STRBP: variants seen among roughly 807,000 people sequenced by gnomAD.
STRBP encodes the protein spermatid perinuclear RNA-binding protein.
STRBP carries 13 observed loss-of-function variants against 80.1 expected under a neutral mutation model. The observed-to-expected ratio is 0.16, with a 90% CI of 0.11 to 0.26. STRBP has a LOEUF of 0.26. Among genes scored for constraint, STRBP ranks in the 10% least tolerant of loss-of-function variants. The pLI, the probability that STRBP is intolerant of heterozygous loss-of-function variation, is 1.00. For missense variants in STRBP, 485 were observed against 815.2 expected (o/e 0.59, Z 4.93); for synonymous variants, 284 against 291.2 (o/e 0.98, Z 0.25).
At chr9:123,168,269 A>G in intron 6 of STRBP, 1 of 979,942 alleles carries the variant, frequency 1.0e-6, no homozygotes. Flanking sequence ...CTGTTAAAAA[A>G]ATTAAGCCAT....
intron 8 of STRBP, among the ~76,000 whole-genome samples, chr9:123,160,061 G>C (rs770839531): frequency 1.3e-5 from 2 of 152,172 alleles, no homozygotes; most frequent in Non-Finnish European, 2.9e-5. Context: ...TGAACACTAA[G>C]TGATTAACCA....
At chr9:123,228,947 G>A (rs563760406) in intron 2 of STRBP, among the ~76,000 whole-genome samples, 22 of 152,254 alleles carry the variant, frequency 1.4e-4, no homozygotes, top group Middle Eastern at 3.4e-3. Context: ...AACGTCCATC[G>A]ACTGATGAAT....
chr9:123,234,289 T>C (rs1422945165), intron 2 of STRBP, among the ~76,000 whole-genome samples: 1 of 150,056 alleles, frequency 6.7e-6, no homozygotes, highest in East Asian at 1.9e-4. Context: ...TAAAATTAGA[T>C]AGGCTAATTC....
At chr9:123,203,411 T>C (rs1051125554) in intron 2 of STRBP, among the ~76,000 whole-genome samples, 29 of 152,046 alleles carry the variant, frequency 1.9e-4, no homozygotes, top group Admixed American at 1.5e-3. Flanking sequence ...AACCTTCTAA[T>C]AGTTTCCTGT....
At chr9:123,197,766 C>T (rs1233489534) in intron 2 of STRBP, among the ~76,000 whole-genome samples, 3 of 150,998 alleles carry the variant, frequency 2.0e-5, no homozygotes, top group African/African-American at 7.3e-5. Context: ...CCTCCACCTC[C>T]CGGGTTCAAG....
At chr9:123,265,377 C>T (rs1336317420) in intron 1 of STRBP, among the ~76,000 whole-genome samples, 2 of 152,132 alleles carry the variant, frequency 1.3e-5, no homozygotes, top group Non-Finnish European at 2.9e-5. Context: ...AGAAAGCTCC[C>T]AAGCTACCAA....
intron 2 of STRBP, among the ~76,000 whole-genome samples, chr9:123,194,286 A>G (rs374821540): frequency 6.6e-6 from 1 of 152,120 alleles, no homozygotes; most frequent in African/African-American, 2.4e-5. Context: ...CCTTCCTGTT[A>G]TTATAAATGA....
At chr9:123,191,306 C>T (rs1187859888) in intron 2 of STRBP, among the ~76,000 whole-genome samples, 1 of 152,010 alleles carries the variant, frequency 6.6e-6, no homozygotes, top group Non-Finnish European at 1.5e-5. Flanking sequence ...GAATTGAGCA[C>T]TTCTGGCAGG....
intron 2 of STRBP, among the ~76,000 whole-genome samples, chr9:123,233,632 C>T (rs753076273): frequency 6.6e-6 from 1 of 152,164 alleles, no homozygotes; most frequent in Non-Finnish European, 1.5e-5. Flanking sequence ...GTTCACTATA[C>T]AACTCTTCCA....
intron 2 of STRBP, among the ~76,000 whole-genome samples, chr9:123,209,767 G>C (rs184079078): frequency 7.6e-4 from 116 of 152,244 alleles, no homozygotes; most frequent in Admixed American, 2.0e-3. Context: ...ATATTTTCAA[G>C]CTCAGTAATA....
chr9:123,252,187 A>G (rs770614934), intron 1 of STRBP, among the ~76,000 whole-genome samples: 2 of 152,230 alleles, frequency 1.3e-5, no homozygotes, highest in Non-Finnish European at 2.9e-5. Context: ...TGATTGCAGG[A>G]CAGTATACAG....
At chr9:123,151,500 G>A (rs557585095) in intron 11 of STRBP, among the ~76,000 whole-genome samples, 2 of 152,248 alleles carry the variant, frequency 1.3e-5, no homozygotes, top group Admixed American at 6.5e-5. Flanking sequence ...TTCGATGACA[G>A]CAGAATAAGT....
intron 2 of STRBP, among the ~76,000 whole-genome samples, chr9:123,229,017 A>G (rs987542318): frequency 6.6e-6 from 1 of 152,216 alleles, no homozygotes; most frequent in African/African-American, 2.4e-5. Context: ...GGAATGAAAC[A>G]CTCATACATG....
At position 123,173,713 on chromosome 9, in the gene STRBP, T is replaced by C. The variant is rs775330902; in HGVS notation, c.354A>G (p.Leu118=). 1.2e-6 allele frequency: 2 copies of C among 1,613,674 alleles called. No homozygotes were observed. The highest frequency in any genetic ancestry group is 2.7e-5 in the African/African-American group (2 of 74,916). The change falls in exon 5 of 19, where the codon TTA becomes TTG. Residue 118 remains leucine (L), a synonymous_variant. Coordinates refer to ENST00000348403, the MANE Select transcript of STRBP (RefSeq NM_018387.5). ...TAGGAAGATTATCTTTGACTGTATT[T>C]AACAGGGTCTCTGTGGGTTTGTCTT... ...MCKDKPTETL[L]NTVKDNLPIQ...
downstream of STRBP, among the ~76,000 whole-genome samples, chr9:123,120,464 T>C (rs2035712731): frequency 1.0e-5 from 1 of 99,894 alleles, no homozygotes; most frequent in Non-Finnish European, 1.8e-5. Context: ...TCTGGATTGC[T>C]TGAAATCTAA....
intron 2 of STRBP, among the ~76,000 whole-genome samples, chr9:123,199,714 T>C (rs2039241500): frequency 6.6e-6 from 1 of 152,258 alleles, no homozygotes; most frequent in African/African-American, 2.4e-5. Context: ...TGCTATCGAT[T>C]TGTGTACACT....
intron 6 of STRBP, among the ~76,000 whole-genome samples, chr9:123,169,666 A>T (rs1249525136): frequency 1.3e-5 from 2 of 152,224 alleles, no homozygotes; most frequent in Non-Finnish European, 2.9e-5. Flanking sequence ...AAAACCAACA[A>T]GACAAGCACA....
At chr9:123,174,866 T>C (rs1057134730) in intron 4 of STRBP, among the ~76,000 whole-genome samples, 1 of 152,206 alleles carries the variant, frequency 6.6e-6, no homozygotes, top group African/African-American at 2.4e-5. Context: ...TCATTTCCCT[T>C]AATCACAAAT....
chr9:123,228,747 G>A (rs2040315742), intron 2 of STRBP, among the ~76,000 whole-genome samples: 1 of 152,130 alleles, frequency 6.6e-6, no homozygotes, highest in African/African-American at 2.4e-5. Context: ...AATGTAAAAT[G>A]GTACAGCCAT....
Sources: allele counts gnomAD v4.1 joint callset (sites outside exome capture counted in the v4.1 genomes callset), GRCh38; gene constraint gnomAD v4.1.1; transcripts MANE v1.5; gene names NCBI Gene and HGNC (gene_info 2026-07-23, HGNC 2026-07-21).